Variants in SZT2 observed in about 807,000 individuals in gnomAD.
The protein encoded by SZT2 is SZT2 subunit of KICSTOR complex, also known as KICSTOR complex protein SZT2.
A neutral mutation model predicts 404.2 loss-of-function variants in SZT2; 216 were observed. The observed-to-expected ratio is 0.53, with a 90% CI of 0.48 to 0.60. SZT2 has a LOEUF of 0.60. Among genes scored for constraint, SZT2 ranks in the 20% least tolerant of loss-of-function variants. The pLI, the probability that SZT2 is intolerant of heterozygous loss-of-function variation, is 0.00. For synonymous variants in SZT2, 1,693 were observed against 1,749.9 expected (o/e 0.97, Z 0.81); for missense variants, 3,857 against 4,459.2 (o/e 0.86, Z 3.85).
chr1:43,449,728 G>A (rs1204473959), intron 70 of SZT2: 1 of 345,774 alleles, frequency 2.9e-6, no homozygotes, highest in Admixed American at 3.8e-5. Flanking sequence ...CAGAGCGTTA[G>A]GGAGCAGATG....
Position 43,424,138 on chromosome 1 carries a change from G to T in SZT2, c.2256-79G>T. On this transcript the variant is annotated intron_variant, in intron 15 of 71. Transcript: ENST00000634258. The surrounding 1 kb of genome is among the most constrained non-coding windows in gnomAD (Gnocchi z 4.1). ...GTGGAAGGGCGTGGCTTAGCCAGCT[G>T]TGAGTGGTACAGAGGTGTGGAAGGG... 1.6e-6 allele frequency: 2 copies of T among 1,233,974 alleles called. No homozygotes were observed. Among genetic ancestry groups the T allele is most frequent in the South Asian group, 1.4e-5 (1 of 72,118 alleles). 76.4% of individuals were successfully genotyped at this position (1,233,974 alleles called of 1,614,324 possible).
intron 41 of SZT2, among the ~76,000 whole-genome samples, chr1:43,434,734 C>T (rs1449744501): frequency 6.6e-6 from 1 of 152,180 alleles, no homozygotes; most frequent in Non-Finnish European, 1.5e-5. Context: ...TACTCCCTCT[C>T]ATTGCACTGT....
At chr1:43,391,322 A>T (rs1042242472) in intron 1 of SZT2, among the ~76,000 whole-genome samples, 1 of 152,216 alleles carries the variant, frequency 6.6e-6, no homozygotes, top group Non-Finnish European at 1.5e-5. Flanking sequence ...CTCAAAAAAA[A>T]AAAAAAGTAA....
rs1215422664 is a variant in SZT2, at chr1:43,451,531, C to T, written c.*1051C>T. On this transcript the variant is annotated 3_prime_UTR_variant, in exon 72 of 72. Coordinates refer to ENST00000634258, the MANE Select transcript of SZT2 (RefSeq NM_001365999.1). ...GCTCCCCTCGGCCTGGGACCTGTGC[C>T]ACCTGCACATGCCCTGGGGACAGAT... 1 of 1,614,070 alleles carries T rather than the reference C, an allele frequency of 6.2e-7. No homozygotes were observed. The highest frequency in any genetic ancestry group is 1.7e-5 in the Admixed American group (1 of 60,034).
intron 4 of SZT2, chr1:43,406,908 C>T (rs1326823246): frequency 6.6e-6 from 1 of 152,184 alleles, no homozygotes; most frequent in Non-Finnish European, 1.5e-5. Flanking sequence ...ACAGAATGTG[C>T]AAATGTTAGC....
intron 1 of SZT2, among the ~76,000 whole-genome samples, chr1:43,399,832 A>G (rs910998663): frequency 7.9e-5 from 12 of 151,946 alleles, no homozygotes; most frequent in African/African-American, 2.9e-4. Flanking sequence ...GCTTAAACTC[A>G]CTCAAAGGAT....
chr1:43,420,141 C>G lies in SZT2; in HGVS notation c.1091-12C>G. The G allele has an allele frequency of 6.3e-7, 1 of 1,597,916 alleles. No homozygotes were observed. Among genetic ancestry groups the G allele is most frequent in the African/African-American group, 1.3e-5 (1 of 75,052 alleles). On this transcript the variant is annotated splice_polypyrimidine_tract_variant and intron_variant, in intron 8 of 71. Transcript: ENST00000634258. This position sits in a 1 kb window ranked among gnomAD's most constrained non-coding sequence, Gnocchi z 5.1. ...ACCAGTTTCTCCTTCCCCATCTCCA[C>G]TGGTCTTCCAGGCTCTCAGCACCGC... is the stretch of plus-strand genomic sequence containing the variant.
At position 43,442,254 on chromosome 1, in the gene SZT2, C is replaced by T. The variant is rs755819045; in HGVS notation, c.7874-14C>T. 1.9e-6 allele frequency: 3 copies of T among 1,610,102 alleles called. No homozygotes were observed. The highest frequency in any genetic ancestry group is 4.5e-5 in the East Asian group (2 of 44,856). On this transcript the variant is annotated splice_polypyrimidine_tract_variant and intron_variant, in intron 56 of 71. Transcript: ENST00000634258. The surrounding 1 kb of genome is among the most constrained non-coding windows in gnomAD (Gnocchi z 4.5). ...GTTCCCAGGCCCCTATTGTGCCCCT[C>T]CCCCACCCTGTAGCTGCCAAAGCCA...
Position 43,442,146 on chromosome 1 carries a change from GGGGGGGC to G in SZT2, c.7873+27_7873+33del. On this transcript the variant is annotated intron_variant, in intron 56 of 71. Coordinates refer to ENST00000634258, the MANE Select transcript of SZT2 (RefSeq NM_001365999.1). The surrounding 1 kb of genome is among the most constrained non-coding windows in gnomAD (Gnocchi z 4.5). ...ACACAGCAGGGTGAGGGCATGGCCCGGGGGGGCGGGGGGCGGGTAGGCTAAGAGTAAC... is the reference window on the plus strand; with the variant it reads ...ACACAGCAGGGTGAGGGCATGGCCCGGGGGGGCGGGTAGGCTAAGAGTAAC... 3.1e-6 allele frequency: 5 copies of G among 1,603,432 alleles called. No homozygotes were observed. Among genetic ancestry groups the G allele is most frequent in the Non-Finnish European group, 4.3e-6 (5 of 1,173,044 alleles).
chr1:43,415,406 C>A (rs375079423), intron 5 of SZT2, among the ~76,000 whole-genome samples, 193 bp downstream of exon 5: 1 of 152,154 alleles, frequency 6.6e-6, no homozygotes, highest in Non-Finnish European at 1.5e-5. Context: ...AACACAGATT[C>A]TTTCAGGGAA....
At position 43,419,847 on chromosome 1, in the gene SZT2, G is replaced by A. The variant is rs765819281; in HGVS notation, c.993G>A (p.Pro331=). Residue 331 remains proline (P), a synonymous_variant, in exon 8 of 72, where the codon CCG becomes CCA. Coordinates refer to ENST00000634258, the MANE Select transcript of SZT2 (RefSeq NM_001365999.1). The part of the protein sequence containing the change: ...FGSYLSTCPE[P]EPGNLGLTVY... ...CCTACCTGTCCACTTGTCCTGAGCC[G>A]GAGCCAGGCAACCTGGGTCTGACTG... is the stretch of plus-strand genomic sequence containing the variant. The A allele has an allele frequency of 2.1e-5, 33 of 1,598,336 alleles. No homozygotes were observed. Among genetic ancestry groups the A allele is most frequent in the South Asian group, 1.4e-4 (13 of 91,090 alleles).
intron 51 of SZT2, 78 bp from the exon 52 acceptor site, chr1:43,440,375 T>C: frequency 6.6e-7 from 1 of 1,509,022 alleles, no homozygotes; most frequent in Non-Finnish European, 8.9e-7. Flanking sequence ...GTCACTGTCA[T>C]ACCAGTCTTG....
intron 15 of SZT2, 64 bp downstream of exon 15, chr1:43,423,380 G>A: frequency 6.9e-7 from 1 of 1,443,232 alleles, no homozygotes; most frequent in Non-Finnish European, 9.2e-7. Context: ...GGTGTGGAGG[G>A]CATGGCTTAG....
intron 7 of SZT2, among the ~76,000 whole-genome samples, chr1:43,417,704 GGCT>G (rs775510948): frequency 6.6e-6 from 1 of 152,218 alleles, no homozygotes; most frequent in Admixed American, 6.5e-5. Context: ...CTTAAGAAAT[GGCT>G]GCTATTTGTA....
Position 43,437,982 on chromosome 1 carries a change from C to T in SZT2, c.6508+80C>T. On this transcript the variant is annotated intron_variant, in intron 46 of 71. Transcript: ENST00000634258. The surrounding 1 kb of genome is among the most constrained non-coding windows in gnomAD (Gnocchi z 5.3). ...GGGACTTCTCTTAGAACCTTGCAAG[C>T]ATTACACTAGAAGTTATGTAACAGT... The T allele has an allele frequency of 7.2e-7, 1 of 1,383,930 alleles. No homozygotes were observed. The allele number at this position is 1,383,930 out of a possible 1,614,324, so 85.7% of individuals were successfully genotyped here.
chr1:43,441,735 C>G lies in SZT2; in HGVS notation c.7659C>G (p.Leu2553=). The part of the protein sequence containing the change: ...RSSAHMVSRF[L]LPSILSEFTA... ...CTGCCCACATGGTGTCCCGGTTCCT[C>G]CTTCCATCCATCCTGTCTGAGTTCA... Residue 2553 remains leucine (L), a synonymous_variant, in exon 55 of 72, where the codon CTC becomes CTG. Transcript: ENST00000634258. This position sits in a 1 kb window ranked among gnomAD's most constrained non-coding sequence, Gnocchi z 4.8. The G allele has an allele frequency of 6.2e-7, 1 of 1,614,206 alleles. No homozygotes were observed. The highest frequency in any genetic ancestry group is 8.5e-7 in the Non-Finnish European group (1 of 1,180,030).
At chr1:43,434,513 A>G (rs749866474) in intron 41 of SZT2, 28 bp downstream of exon 41, 1 of 1,559,120 alleles carries the variant, frequency 6.4e-7, no homozygotes, top group Non-Finnish European at 8.7e-7. Flanking sequence ...CCAGACCCGG[A>G]CACACAGAGC....
chr1:43,413,940 TAACTA>T (rs763074462), intron 4 of SZT2, among the ~76,000 whole-genome samples: 22 of 152,230 alleles, frequency 1.4e-4, no homozygotes, highest in East Asian at 1.4e-3. Context: ...CATTTAAAAA[TAACTA>T]AAAGAGTAAA....
rs1455786502 is a variant in SZT2, at chr1:43,425,685, T to G, written c.2814+43T>G. 6.2e-7 allele frequency: 1 copy of G among 1,607,992 alleles called. No individual in the cohort carries two copies. Among genetic ancestry groups the G allele is most frequent in the Non-Finnish European group, 8.5e-7 (1 of 1,176,344 alleles). The stretch of plus-strand genomic sequence containing the variant: ...AGTACCCGCACCTCTCTCACTGGAT[T>G]GGGGTGCCATCTCTTTTGGAGTACT... On this transcript the variant is annotated intron_variant, in intron 19 of 71. Coordinates refer to ENST00000634258, the MANE Select transcript of SZT2 (RefSeq NM_001365999.1). This position sits in a 1 kb window ranked among gnomAD's most constrained non-coding sequence, Gnocchi z 4.3.
Sources: allele counts gnomAD v4.1 joint callset (sites outside exome capture counted in the v4.1 genomes callset), GRCh38; gene constraint gnomAD v4.1.1; non-coding constraint Gnocchi (gnomAD v3.1); transcripts MANE v1.5; gene names NCBI Gene and HGNC (gene_info 2026-07-23, HGNC 2026-07-21).